LARP4B: variants seen among roughly 807,000 people sequenced by gnomAD.
LARP4B encodes La ribonucleoprotein 4B, also known as la-related protein 4B.
In LARP4B, 12 loss-of-function variants were observed where a neutral mutation model predicts 89.8. The observed-to-expected ratio is 0.13, with a 90% CI of 0.09 to 0.22. The LOEUF (loss-of-function observed/expected upper bound fraction) is 0.22, where lower values mean the gene tolerates loss of function less well. Ranked by LOEUF, LARP4B falls within the 10% of genes least tolerant of loss-of-function variation. The pLI is 1.00. For synonymous variants in LARP4B, 367 were observed against 363.3 expected, an observed-to-expected ratio of 1.01 and a Z score of -0.12; for missense variants, 757 against 947.7, an observed-to-expected ratio of 0.80 and a Z score of 2.64.
At chr10:976,378 A>T in the LARP4B span, among the ~76,000 whole-genome samples, 4 of 151,636 alleles carry the variant, frequency 2.6e-5, no homozygotes, top group Admixed American at 2.0e-4. Context: ...CCGGCTTAGT[A>T]GAATGTAGGC....
intron 5 of LARP4B, among the ~76,000 whole-genome samples, chr10:863,339 C>T (rs1016714529): frequency 1.3e-5 from 2 of 152,102 alleles, no homozygotes; most frequent in Non-Finnish European, 2.9e-5. Flanking sequence ...TCTCCTGCCT[C>T]AGCCTCCCAA....
intron 13 of LARP4B, among the ~76,000 whole-genome samples, chr10:823,751 C>G (rs1169988750): frequency 6.6e-6 from 1 of 151,932 alleles, no homozygotes; most frequent in Non-Finnish European, 1.5e-5. Context: ...CTTAAGAACC[C>G]CAAACTGAGA....
intron 5 of LARP4B, among the ~76,000 whole-genome samples, chr10:859,693 G>A (rs939926747): frequency 6.6e-6 from 1 of 152,208 alleles, no homozygotes; most frequent in Non-Finnish European, 1.5e-5. Context: ...ATGTTATTCA[G>A]TGCTAAAAAG....
intron 5 of LARP4B, among the ~76,000 whole-genome samples, chr10:862,632 C>T (rs1487738650): frequency 6.6e-6 from 1 of 152,022 alleles, no homozygotes; most frequent in African/African-American, 2.4e-5. Flanking sequence ...TGGTGGCAGA[C>T]GCCTGTAGTC....
the LARP4B span, among the ~76,000 whole-genome samples, chr10:946,437 T>C: frequency 1.3e-5 from 2 of 152,204 alleles, no homozygotes; most frequent in African/African-American, 4.8e-5. Context: ...TAAAGTGACA[T>C]TTATCCAAAA....
the LARP4B span, among the ~76,000 whole-genome samples, chr10:962,992 C>T: frequency 6.6e-6 from 1 of 152,142 alleles, no homozygotes; most frequent in East Asian, 1.9e-4. Context: ...TTCTGACCTA[C>T]AGAAGCTGAG....
At chr10:847,765 G>A (rs1244548149) in intron 5 of LARP4B, among the ~76,000 whole-genome samples, 1 of 152,048 alleles carries the variant, frequency 6.6e-6, no homozygotes, top group African/African-American at 2.4e-5. Context: ...TCCTGCCCTC[G>A]TGATCTGCCC....
chr10:890,485 A>G (rs1835981835), intron 1 of LARP4B, among the ~76,000 whole-genome samples: 1 of 152,064 alleles, frequency 6.6e-6, no homozygotes. Flanking sequence ...CTTATTAAAC[A>G]AAGAAAAGAG....
intron 1 of LARP4B, among the ~76,000 whole-genome samples, chr10:891,209 C>G (rs770385957): frequency 6.6e-6 from 1 of 151,336 alleles, no homozygotes; most frequent in South Asian, 2.1e-4. Context: ...ACGAACTAAC[C>G]GCAAATACAA....
At chr10:962,412 T>TG in the LARP4B span, among the ~76,000 whole-genome samples, 1 of 151,326 alleles carries the variant, frequency 6.6e-6, no homozygotes, top group African/African-American at 2.4e-5. Flanking sequence ...TGCAGTCACA[T>TG]GGGGGGTTAG....
intron 1 of LARP4B, among the ~76,000 whole-genome samples, chr10:923,777 C>T (rs1837054264): frequency 6.6e-6 from 1 of 152,112 alleles, no homozygotes; most frequent in Non-Finnish European, 1.5e-5. Flanking sequence ...AGGTTTTCAT[C>T]TCTGTATTTT....
downstream of LARP4B, chr10:807,915 T>C (rs753715046): frequency 6.6e-6 from 1 of 152,296 alleles, no homozygotes; most frequent in African/African-American, 2.4e-5. Context: ...AGCAGTTGAC[T>C]TGGATCGGAA....
At chr10:913,487 A>C (rs191984631) in intron 1 of LARP4B, among the ~76,000 whole-genome samples, 4 of 152,306 alleles carry the variant, frequency 2.6e-5, no homozygotes, top group Admixed American at 2.6e-4. Flanking sequence ...AATAAAGATT[A>C]GTTTGTTGGT....
Position 863,893 on chromosome 10 carries a change from G to A in LARP4B, c.290-10C>T, listed in dbSNP as rs200347420. The A allele has an allele frequency of 6.2e-7, 1 of 1,605,836 alleles. No homozygotes were observed. The highest frequency in any genetic ancestry group is 1.3e-5 in the African/African-American group (1 of 74,360). ...CCATTGGCATCCGATCCTACAATTA[G>A]GAGTTTACCCCAAAAAGGCAGGGTT... On this transcript the variant is annotated splice_polypyrimidine_tract_variant and intron_variant, in intron 4 of 17. Transcript: ENST00000316157.
rs1052981234 is a variant in LARP4B at position 849,459 on chromosome 10, T to C, written c.431-4404A>G. The stretch of plus-strand genomic sequence containing the variant: ...AGCAGTACTGGATTATAACCAAAAG[T>C]ATAAAACAAACATTCTGGAATCCAC... On this transcript the variant is annotated intron_variant, in intron 5 of 17. Coordinates refer to ENST00000316157, the MANE Select transcript of LARP4B (RefSeq NM_015155.3). Among the ~76,000 whole-genome samples the C allele has an allele frequency of 2.6e-5, 4 of 152,216 alleles. No homozygotes were observed. In the South Asian group the frequency reaches 6.2e-4, roughly 24 times the overall value.
the LARP4B span, among the ~76,000 whole-genome samples, chr10:959,842 CCCACCTCCTCGTCAAT>C: frequency 4.2e-3 from 243 of 57,492 alleles, 3 homozygotes; most frequent in Middle Eastern, 0.017. Flanking sequence ...CCTCGTCATT[CCCACCTCCTCGTCAAT>C]CCACCTCCTC....
chr10:885,723 G>A lies in LARP4B; in HGVS notation c.-2C>T, dbSNP rs1311872839. The A allele has an allele frequency of 1.2e-6, 2 of 1,613,384 alleles. No homozygotes were observed. The highest frequency in any genetic ancestry group is 4.5e-5 in the East Asian group (2 of 44,880). ...CTTAGCGTCCTGATCAGAAGTCATG[G>A]GCTCCACTGGGAGAAGTGTAATGCT... On this transcript the variant is annotated 5_prime_UTR_variant, in exon 2 of 18. Coordinates refer to ENST00000316157, the MANE Select transcript of LARP4B (RefSeq NM_015155.3).
chr10:922,675 TTAAATAAA>T (rs370807617), intron 1 of LARP4B, among the ~76,000 whole-genome samples: 19,449 of 146,220 alleles, frequency 0.13, 1,570 homozygotes, highest in Non-Finnish European at 0.18. Flanking sequence ...ACCCCGTCTG[TTAAATAAA>T]TAAATAAATA....
intron 11 of LARP4B, among the ~76,000 whole-genome samples, chr10:828,142 C>T (rs1251720980): frequency 6.6e-6 from 1 of 152,242 alleles, no homozygotes; most frequent in Non-Finnish European, 1.5e-5. Context: ...TGCCTCAGGA[C>T]AGCTAAGCAC....
Sources: allele counts gnomAD v4.1 joint callset (sites outside exome capture counted in the v4.1 genomes callset), GRCh38; gene constraint gnomAD v4.1.1; transcripts MANE v1.5; gene names NCBI Gene and HGNC (gene_info 2026-07-23, HGNC 2026-07-21).